Variants in USP9Y observed in about 807,000 individuals in gnomAD.
USP9Y encodes the protein ubiquitin specific peptidase 9 Y-linked, also known as ubiquitin carboxyl-terminal hydrolase 9Y.
Under a neutral mutation model 53.1 loss-of-function variants are expected in USP9Y, and 41 were observed. The ratio of observed to expected loss-of-function variants is 0.77; its 90% CI spans 0.60 to 1.00. The LOEUF is 1.00. Among genes scored for constraint, USP9Y ranks in the 50% least tolerant of loss-of-function variants. USP9Y has a pLI of 0.00. For missense variants in USP9Y, 567 were observed against 535.8 expected (o/e 1.06, Z -0.58); for synonymous variants, 220 against 173.7 (o/e 1.27, Z -2.09).
Position 12,757,300 on chromosome Y carries a change from C to T in USP9Y, c.1531C>T (p.Leu511Phe). ...TGTGATGGCACACAAAGTGTTGAAC[C>T]TTCTTTGGAACCTGGCTCAGAGTGA... ...DGVMAHKVLN[L>F]LWNLAQSDDV... The change falls in exon 13 of 46, where the codon CTT becomes TTT. Residue 511 changes from leucine to phenylalanine, a missense_variant. Leu to Phe is a conservative substitution (Grantham distance 22). Coordinates refer to ENST00000338981, the MANE Select transcript of USP9Y (RefSeq NM_004654.4). 7.5e-6 allele frequency: 3 copies of T among 398,314 alleles called. No individual in the cohort carries two copies. The highest frequency in any genetic ancestry group is 1.1e-5 in the Non-Finnish European group (3 of 283,430).
intron 17 of USP9Y, 70 bp downstream of exon 17, chrY:12,773,995 A>T: frequency 3.9e-6 from 1 of 254,302 alleles, no homozygotes; most frequent in Non-Finnish European, 6.0e-6. Flanking sequence ...ATAATTCAAG[A>T]GTCATAATTT....
At chrY:12,706,779 T>C in intron 1 of USP9Y, among the ~76,000 whole-genome samples, 1 of 33,512 alleles carries the variant, frequency 3.0e-5, no homozygotes, top group Admixed American at 2.7e-4. Flanking sequence ...AAGATGACCA[T>C]ATAGAGGTAG....
intron 31 of USP9Y, among the ~76,000 whole-genome samples, chrY:12,815,211 C>T (rs2053535381): frequency 3.0e-5 from 1 of 33,831 alleles, no homozygotes; most frequent in Non-Finnish European, 7.3e-5. Flanking sequence ...CACTTAGGTA[C>T]AGAAGTTTAT....
chrY:12,829,579 A>G, intron 33 of USP9Y, among the ~76,000 whole-genome samples: 1 of 33,915 alleles, frequency 2.9e-5, no homozygotes, highest in South Asian at 6.5e-4. Context: ...ATGATAATTC[A>G]TAAATGTTGA....
chrY:12,835,334 C>G (rs2053554611), intron 34 of USP9Y, among the ~76,000 whole-genome samples: 3 of 33,843 alleles, frequency 8.9e-5, no homozygotes, highest in Non-Finnish European at 2.2e-4. Flanking sequence ...CAGGCATGAG[C>G]CACTACACCT....
chrY:12,835,674 G>T (rs971459606), intron 34 of USP9Y, among the ~76,000 whole-genome samples: 8 of 32,881 alleles, frequency 2.4e-4, no homozygotes, highest in Non-Finnish European at 5.2e-4. Context: ...ACTTATCTGG[G>T]CATGGTGGCA....
chrY:12,802,425 C>T, intron 27 of USP9Y: 2 of 34,720 alleles, frequency 5.8e-5, no homozygotes, highest in African/African-American at 1.1e-4. Flanking sequence ...TCTATCATTT[C>T]TTAAATGCTT....
At position 12,860,538 on chromosome Y, in the gene USP9Y, T is replaced by C. The variant is rs2053583270; in HGVS notation, c.*1122T>C. The C allele has an allele frequency of 3.0e-5, 1 of 33,287 alleles. No homozygotes were observed. The highest frequency in any genetic ancestry group is 1.2e-4 in the African/African-American group (1 of 8,570). 8.3% of individuals were successfully genotyped at this position (33,287 alleles called of 400,897 possible). ...AAGAATTGTTGTAGTTTTTTTTCAT[T>C]ATTCTAAAACTCTTGTTGTTAGATA... On this transcript the variant is annotated 3_prime_UTR_variant, in exon 46 of 46. Coordinates refer to ENST00000338981, the MANE Select transcript of USP9Y (RefSeq NM_004654.4).
chrY:12,777,304 A>G (rs2053493430), intron 19 of USP9Y, among the ~76,000 whole-genome samples: 1 of 33,483 alleles, frequency 3.0e-5, no homozygotes, highest in African/African-American at 1.2e-4. Flanking sequence ...ATGATCTAAT[A>G]GTCAGATATT....
At chrY:12,792,072 C>T (rs2148287166) in intron 26 of USP9Y, among the ~76,000 whole-genome samples, 2 of 33,893 alleles carry the variant, frequency 5.9e-5, no homozygotes, top group Non-Finnish European at 1.5e-4. Context: ...TAGTTCAAAA[C>T]CAGCCTGGTC....
chrY:12,818,525 C>A lies in USP9Y; in HGVS notation c.4936C>A (p.Leu1646Ile), dbSNP rs1171331621. ...EDRKEYNIGVLRHLQVIFGHL... is the reference protein window; with the variant it reads ...EDRKEYNIGVIRHLQVIFGHL... ...TAGGAAAGAGTATAATATTGGTGTC[C>A]TAAGACACCTTCAGGTCATCTTTGG... is the stretch of plus-strand genomic sequence containing the variant. The change falls in exon 33 of 46, where the codon CTA becomes ATA. Residue 1646 changes from leucine (L) to isoleucine (I), a missense_variant. Leu to Ile is a conservative substitution (Grantham distance 5, BLOSUM62 2). Transcript: ENST00000338981. The A allele has an allele frequency of 2.5e-6, 1 of 394,990 alleles. No homozygotes were observed. The highest frequency in any genetic ancestry group is 7.5e-5 in the Admixed American group (1 of 13,371).
At chrY:12,762,858 A>G (rs2053476773) in intron 15 of USP9Y, among the ~76,000 whole-genome samples, 2 of 33,333 alleles carry the variant, frequency 6.0e-5, no homozygotes. Flanking sequence ...TTTACCTTTA[A>G]TATTTTCCAT....
chrY:12,767,231 C>G, intron 15 of USP9Y, among the ~76,000 whole-genome samples: 1 of 33,390 alleles, frequency 3.0e-5, no homozygotes, highest in Non-Finnish European at 7.4e-5. Flanking sequence ...TTACCTAGAT[C>G]AATTCCTTTA....
chrY:12,714,076 A>G, intron 3 of USP9Y, among the ~76,000 whole-genome samples: 1 of 29,221 alleles, frequency 3.4e-5, no homozygotes, highest in Non-Finnish European at 8.1e-5. Flanking sequence ...TATTTTTAGT[A>G]GAGACAGGGT....
intron 24 of USP9Y, among the ~76,000 whole-genome samples, chrY:12,787,295 C>T (rs2148286762): frequency 8.8e-5 from 3 of 33,964 alleles, no homozygotes; most frequent in Admixed American, 8.0e-4. Flanking sequence ...AAATTGAGTT[C>T]ACTCACTTAT....
chrY:12,725,726 T>A (rs780117228), intron 6 of USP9Y, among the ~76,000 whole-genome samples: 1 of 33,557 alleles, frequency 3.0e-5, no homozygotes, highest in African/African-American at 1.2e-4. Flanking sequence ...AGACCCCCTG[T>A]CTTGGAAATT....
Position 12,842,478 on chromosome Y carries a change from CTTTT to C in USP9Y, c.6438+24_6438+27del. The C allele has an allele frequency of 1.6e-5, 5 of 304,358 alleles. No homozygotes were observed. In the East Asian group the frequency reaches 5.5e-4, roughly 34 times the overall value. 75.9% of individuals were successfully genotyped at this position (304,358 alleles called of 400,897 possible). On this transcript the variant is annotated intron_variant, in intron 38 of 45. Coordinates refer to ENST00000338981, the MANE Select transcript of USP9Y (RefSeq NM_004654.4). ...ACCTTCTAGTCAGGTAATTGCATGG[CTTTT>C]TTTTTTTTTTAAGCAATTAAATACT...
chrY:12,799,595 G>A, intron 27 of USP9Y, among the ~76,000 whole-genome samples: 2 of 33,399 alleles, frequency 6.0e-5, no homozygotes, highest in Non-Finnish European at 1.5e-4. Context: ...TGCTAGTGTT[G>A]ACTGGAAAGA....
intron 15 of USP9Y, among the ~76,000 whole-genome samples, chrY:12,770,004 G>A: frequency 3.0e-5 from 1 of 33,282 alleles, no homozygotes; most frequent in Non-Finnish European, 7.4e-5. Context: ...GGATGGTCTC[G>A]ATCTTCTGAC....
Sources: gnomAD v4.1 joint callset for allele counts (sites outside exome capture counted in the v4.1 genomes callset) on GRCh38, gnomAD v4.1.1 for gene constraint, MANE v1.5 for transcripts, NCBI Gene and HGNC (gene_info 2026-07-23, HGNC 2026-07-21) for gene names.